Variants in PRKN observed in about 807,000 individuals in gnomAD.
The protein encoded by PRKN is parkin RBR E3 ubiquitin protein ligase, also known as E3 ubiquitin-protein ligase parkin.
PRKN carries 56 observed loss-of-function variants against 59.5 expected under a neutral mutation model. That is an observed-to-expected ratio of 0.94 (90% CI 0.76 to 1.18). PRKN has a LOEUF of 1.18. Ranked by LOEUF, PRKN falls within the 50% of genes most tolerant of loss-of-function variation. The pLI is 0.00. For missense variants in PRKN, 657 were observed against 596.4 expected, an observed-to-expected ratio of 1.10 and a Z score of -1.06; for synonymous variants, 250 against 222.1, an observed-to-expected ratio of 1.13 and a Z score of -1.12.
At chr6:162,594,990 C>T (rs537749568) in intron 1 of PRKN, among the ~76,000 whole-genome samples, 9 of 152,006 alleles carry the variant, frequency 5.9e-5, no homozygotes, top group East Asian at 3.9e-4. Context: ...CTGGCTAACA[C>T]GGTGAAACCC....
At position 161,779,440 on chromosome 6, in the gene PRKN, C is replaced by CTTTTTTTTTTTTTTTTTTTTTTTTTTTTT; in HGVS notation, c.871+6331_871+6332insAAAAAAAAAAAAAAAAAAAAAAAAAAAAA. ...TTTTTTTCTCTTTTTCTTTTCTTTTCTTTTTTTTTTTTTTTTTTTTTTGAG... is the reference window on the plus strand; with the variant it reads ...TTTTTTTCTCTTTTTCTTTTCTTTTCTTTTTTTTTTTTTTTTTTTTTTTTTTTTTTTTTTTTTTTTTTTTTTTTTTTGAG... On this transcript the variant is annotated intron_variant, in intron 7 of 11. Coordinates refer to ENST00000366898, the MANE Select transcript of PRKN (RefSeq NM_004562.3). 1.9e-4 allele frequency among the ~76,000 whole-genome samples: 8 copies of CTTTTTTTTTTTTTTTTTTTTTTTTTTTTT among 41,840 alleles called. 3 individuals are homozygous for CTTTTTTTTTTTTTTTTTTTTTTTTTTTTT. Among genetic ancestry groups the CTTTTTTTTTTTTTTTTTTTTTTTTTTTTT allele is most frequent in the African/African-American group, 3.0e-4 (3 of 10,032 alleles). The allele number at this position is 41,840 out of a possible 152,430, so 27.4% of individuals were successfully genotyped here.
In PRKN at chr6:161,371,257, TG is replaced by T. The variant is rs1483050584; in HGVS notation, c.1168-11053del. Among the ~76,000 whole-genome samples, 1 of 151,976 alleles carries T rather than the reference TG, an allele frequency of 6.6e-6. No individual in the cohort carries two copies. Among genetic ancestry groups the T allele is most frequent in the Non-Finnish European group, 1.5e-5 (1 of 67,986 alleles). Reference sequence around the variant, plus strand: ...TCCGCTCACTGCAACCTCCACCTCCTGGGTTCAAATGATTCTGCTGCCTCGG... The same window carrying T: ...TCCGCTCACTGCAACCTCCACCTCCTGGTTCAAATGATTCTGCTGCCTCGG... On this transcript the variant is annotated intron_variant, in intron 10 of 11. Coordinates refer to ENST00000366898, the MANE Select transcript of PRKN (RefSeq NM_004562.3). The surrounding 1 kb of genome is among the most constrained non-coding windows in gnomAD (Gnocchi z 5.5).
chr6:162,308,171 G>A (rs1038938035), intron 2 of PRKN, among the ~76,000 whole-genome samples: 1 of 152,154 alleles, frequency 6.6e-6, no homozygotes, highest in Non-Finnish European at 1.5e-5. Flanking sequence ...TCAGGGTCAG[G>A]AAACACCTTT....
At chr6:161,520,280 A>T (rs1778772339) in intron 9 of PRKN, among the ~76,000 whole-genome samples, 1 of 144,834 alleles carries the variant, frequency 6.9e-6, no homozygotes, top group Non-Finnish European at 1.5e-5. Context: ...GCTGGAGTAC[A>T]ATGGCGTGAT....
intron 6 of PRKN, among the ~76,000 whole-genome samples, chr6:161,884,543 T>G (rs2128230338): frequency 6.6e-6 from 1 of 152,346 alleles, no homozygotes; most frequent in Non-Finnish European, 1.5e-5. Flanking sequence ...GATATGCAAC[T>G]TTTGATGTAG....
intron 2 of PRKN, among the ~76,000 whole-genome samples, chr6:162,430,778 G>T (rs551077559): frequency 6.6e-6 from 1 of 152,198 alleles, no homozygotes; most frequent in Non-Finnish European, 1.5e-5. Flanking sequence ...CTTTAGAAAA[G>T]ACCAAATGGA....
intron 1 of PRKN, among the ~76,000 whole-genome samples, chr6:162,689,981 G>T (rs1777712801): frequency 6.6e-6 from 1 of 152,036 alleles, no homozygotes; most frequent in South Asian, 2.1e-4. Flanking sequence ...CTGAATATAT[G>T]AGGACTCAGA....
chr6:162,700,944 T>G (rs547598961), intron 1 of PRKN, among the ~76,000 whole-genome samples: 1 of 152,242 alleles, frequency 6.6e-6, no homozygotes, highest in African/African-American at 2.4e-5. Context: ...ACTTTGCTAT[T>G]AATTAATTTA....
intron 4 of PRKN, among the ~76,000 whole-genome samples, chr6:162,067,612 T>C (rs1778393192): frequency 6.6e-6 from 1 of 152,246 alleles, no homozygotes; most frequent in Non-Finnish European, 1.5e-5. Flanking sequence ...TAGTCCATCC[T>C]TATTTCAGCA....
intron 4 of PRKN, among the ~76,000 whole-genome samples, chr6:162,076,277 G>A (rs1043120783): frequency 2.0e-5 from 3 of 151,978 alleles, no homozygotes; most frequent in Admixed American, 2.0e-4. Context: ...GCCAAGGAAG[G>A]CCTTCTTAAT....
intron 1 of PRKN, among the ~76,000 whole-genome samples, chr6:162,602,110 C>T (rs886829575): frequency 4.6e-5 from 7 of 152,174 alleles, no homozygotes; most frequent in Non-Finnish European, 1.0e-4. Flanking sequence ...CGGGTATCCC[C>T]GCATGGTGCC....
intron 9 of PRKN, among the ~76,000 whole-genome samples, chr6:161,511,619 C>T (rs1160843183): frequency 6.6e-6 from 1 of 152,190 alleles, no homozygotes. Context: ...TATGGTCATA[C>T]TGTCACCATC....
chr6:161,618,019 G>A (rs575686485), intron 7 of PRKN, among the ~76,000 whole-genome samples: 61 of 152,278 alleles, frequency 4.0e-4, no homozygotes, highest in African/African-American at 1.4e-3. Context: ...GACACCAAAC[G>A]GGTGCTGTAC....
At chr6:162,328,657 T>C (rs1046735219) in intron 2 of PRKN, among the ~76,000 whole-genome samples, 10 of 152,294 alleles carry the variant, frequency 6.6e-5, no homozygotes, top group African/African-American at 2.4e-4. Flanking sequence ...GCAGCTCTGA[T>C]ATTAAAGCCC....
intron 1 of PRKN, among the ~76,000 whole-genome samples, chr6:162,638,674 C>T (rs1777841148): frequency 6.6e-6 from 1 of 151,664 alleles, no homozygotes; most frequent in Non-Finnish European, 1.5e-5. Flanking sequence ...CGCCCCAAAA[C>T]TCTCAGAGCA....
At chr6:162,632,560 G>A (rs1485355339) in intron 1 of PRKN, among the ~76,000 whole-genome samples, 1 of 151,876 alleles carries the variant, frequency 6.6e-6, no homozygotes, top group Non-Finnish European at 1.5e-5. Context: ...TCACTACCTG[G>A]GTGATAGGAT....
intron 4 of PRKN, among the ~76,000 whole-genome samples, chr6:162,146,906 T>C (rs181497966): frequency 6.6e-6 from 1 of 152,100 alleles, no homozygotes; most frequent in Non-Finnish European, 1.5e-5. Flanking sequence ...AATTTCTGTA[T>C]TTTTAGTAGA....
At chr6:162,510,292 A>T (rs1193392125) in intron 1 of PRKN, among the ~76,000 whole-genome samples, 1 of 152,232 alleles carries the variant, frequency 6.6e-6, no homozygotes, top group Non-Finnish European at 1.5e-5. Flanking sequence ...GGTTGAATAA[A>T]AACTGGAACT....
Position 162,198,854 on chromosome 6 carries a change from T to G in PRKN, c.534+2277A>C, listed in dbSNP as rs549280704. Among the ~76,000 whole-genome samples, 47 of 152,252 alleles carry G rather than the reference T, an allele frequency of 3.1e-4. 2 individuals carry two copies. The South Asian group carries it at 8.9e-3, about 29-fold the overall frequency. On this transcript the variant is annotated intron_variant, in intron 4 of 11. Coordinates refer to ENST00000366898, the MANE Select transcript of PRKN (RefSeq NM_004562.3). Reference sequence around the variant, plus strand: ...GTAAGTACCTACTATTAATGTACCATTTAGTCCCCACAACACTCTATTTTG... The same window carrying G: ...GTAAGTACCTACTATTAATGTACCAGTTAGTCCCCACAACACTCTATTTTG...
Sources: gnomAD v4.1 joint callset for allele counts (sites outside exome capture counted in the v4.1 genomes callset) on GRCh38, gnomAD v4.1.1 for gene constraint, Gnocchi (gnomAD v3.1) non-coding constraint, MANE v1.5 for transcripts, NCBI Gene and HGNC (gene_info 2026-07-23, HGNC 2026-07-21) for gene names.